Variants in ATE1 observed in about 807,000 individuals in gnomAD.
ATE1 encodes the protein arginyl-tRNA--protein transferase 1.
Under a neutral mutation model 70.5 loss-of-function variants are expected in ATE1, and 36 were observed. The observed-to-expected ratio is 0.51, with a 90% CI of 0.39 to 0.67. The LOEUF (loss-of-function observed/expected upper bound fraction) is 0.67. Ranked by LOEUF, ATE1 falls within the 30% of genes least tolerant of loss-of-function variation. The pLI, the probability that ATE1 is intolerant of heterozygous loss-of-function variation, is 0.00. For synonymous variants in ATE1, 232 were observed against 219.3 expected, an observed-to-expected ratio of 1.06 and a Z score of -0.51; for missense variants, 593 against 629.5, an observed-to-expected ratio of 0.94 and a Z score of 0.62.
chr10:121,794,661 T>TAAAAAAAA (rs374044559), intron 10 of ATE1, among the ~76,000 whole-genome samples: 4 of 65,710 alleles, frequency 6.1e-5, no homozygotes, highest in Non-Finnish European at 1.1e-4. Flanking sequence ...GAATGTCTGG[T>TAAAAAAAA]AAAAAAAAAA....
Position 121,744,244 on chromosome 10 carries a change from T to G in ATE1, c.1379-386A>C, listed in dbSNP as rs537748992. On this transcript the variant is annotated intron_variant, in intron 11 of 11. Transcript: ENST00000224652. ...GCCTTCATTTCTTAATTTAAAAAATTTTTAACTTAAAATATAAAAATTATG... is the reference window on the plus strand; with the variant it reads ...GCCTTCATTTCTTAATTTAAAAAATGTTTAACTTAAAATATAAAAATTATG... 2.6e-5 allele frequency among the ~76,000 whole-genome samples: 4 copies of G among 152,184 alleles called. 1 individual carries two copies. In the South Asian group the frequency reaches 8.3e-4, roughly 32 times the overall value.
rs547204814 is a variant in ATE1 at position 121,857,814 on chromosome 10, A to AAACTACAT, written c.975+12191_975+12192insATGTAGTT. 2.4e-4 allele frequency among the ~76,000 whole-genome samples: 36 copies of AAACTACAT among 152,272 alleles called. 1 individual carries two copies. In the East Asian group the frequency reaches 5.8e-3, roughly 25 times the overall value. On this transcript the variant is annotated intron_variant, in intron 8 of 11. Transcript: ENST00000224652. ...TAATTTTTTTGATCATCCAAGACAG[A>AAACTACAT]AACTACGTACCCATTAAATAATTAA... is the stretch of plus-strand genomic sequence containing the variant.
chr10:121,782,184 T>C (rs1176268443), intron 11 of ATE1, among the ~76,000 whole-genome samples: 3 of 152,240 alleles, frequency 2.0e-5, no homozygotes, highest in Non-Finnish European at 4.4e-5. Flanking sequence ...GCTGTTCCAA[T>C]TACTAGTAGA....
In ATE1 at chr10:121,899,762, A is replaced by T; in HGVS notation, c.942+104T>A. On this transcript the variant is annotated intron_variant, in intron 7 of 11. Coordinates refer to ENST00000224652, the MANE Select transcript of ATE1 (RefSeq NM_001001976.3). ...GTCTTTGCAGATATGCTGCAAATTG[A>T]ACACAAATAAAATGTAGCACAAATA... 2.7e-6 allele frequency: 4 copies of T among 1,476,202 alleles called. No homozygotes were observed. In the African/African-American group the frequency reaches 5.6e-5, roughly 21 times the overall value. 91.4% of individuals were successfully genotyped at this position (1,476,202 alleles called of 1,614,324 possible).
At chr10:121,925,089 G>C (rs1952033484) in intron 1 of ATE1, among the ~76,000 whole-genome samples, 1 of 152,174 alleles carries the variant, frequency 6.6e-6, no homozygotes, top group African/African-American at 2.4e-5. Flanking sequence ...AAAAATTGGA[G>C]AAAAGTATGT....
chr10:121,858,687 A>G (rs1475162329), intron 8 of ATE1, among the ~76,000 whole-genome samples: 1 of 54,072 alleles, frequency 1.8e-5, no homozygotes, highest in African/African-American at 7.2e-5. Flanking sequence ...ATATTTTTAT[A>G]TATTATATTT....
At chr10:121,914,027 C>A in intron 3 of ATE1, 134 bp from the exon 4 acceptor site, 2 of 606,802 alleles carry the variant, frequency 3.3e-6, no homozygotes, top group South Asian at 5.0e-5. Context: ...TTAATGTAGC[C>A]TCTAATCCCA....
chr10:121,760,392 TGGGA>T (rs1019637587), intron 11 of ATE1, among the ~76,000 whole-genome samples: 3 of 152,324 alleles, frequency 2.0e-5, no homozygotes, highest in Admixed American at 2.0e-4. Flanking sequence ...TTATTATTCA[TGGGA>T]GGAAGTCAAA....
intron 11 of ATE1, among the ~76,000 whole-genome samples, chr10:121,785,892 T>C (rs1417189049): frequency 6.6e-6 from 1 of 152,176 alleles, no homozygotes; most frequent in Admixed American, 6.5e-5. Flanking sequence ...AACATTTCAA[T>C]GTATAGAACA....
At chr10:121,747,131 C>T (rs1944403668) in intron 11 of ATE1, among the ~76,000 whole-genome samples, 1 of 152,186 alleles carries the variant, frequency 6.6e-6, no homozygotes, top group Non-Finnish European at 1.5e-5. Context: ...GAGAAAGGAA[C>T]ATCAACGATG....
chr10:121,849,934 T>C (rs1388952495), intron 8 of ATE1, among the ~76,000 whole-genome samples: 1 of 152,212 alleles, frequency 6.6e-6, no homozygotes, highest in Non-Finnish European at 1.5e-5. Context: ...CTGATGTTTG[T>C]TTATGAACAC....
At chr10:121,791,282 G>A (rs896099985) in intron 10 of ATE1, among the ~76,000 whole-genome samples, 2 of 151,462 alleles carry the variant, frequency 1.3e-5, no homozygotes, top group African/African-American at 4.9e-5. Context: ...TTGGTAGAGA[G>A]GGGGTTTCAC....
intron 10 of ATE1, among the ~76,000 whole-genome samples, chr10:121,795,260 A>C (rs903639497): frequency 6.6e-6 from 1 of 152,166 alleles, no homozygotes; most frequent in African/African-American, 2.4e-5. Flanking sequence ...AAAAAATAAA[A>C]ATAAAAATTT....
At chr10:121,839,700 A>G (rs1948557852) in intron 9 of ATE1, among the ~76,000 whole-genome samples, 1 of 152,310 alleles carries the variant, frequency 6.6e-6, no homozygotes, top group African/African-American at 2.4e-5. Flanking sequence ...TATTGTAAAT[A>G]TTACCTAATT....
At chr10:121,913,767 T>C (rs765777434) in intron 4 of ATE1, 23 bp downstream of exon 4, 1 of 1,546,654 alleles carries the variant, frequency 6.5e-7, no homozygotes, top group Non-Finnish European at 8.9e-7. Context: ...TAGTAAATCG[T>C]TTTTAGACCC....
intron 7 of ATE1, among the ~76,000 whole-genome samples, chr10:121,892,463 C>G (rs1383707948): frequency 6.8e-6 from 1 of 147,380 alleles, no homozygotes; most frequent in South Asian, 2.1e-4. Flanking sequence ...AAAAGAGATA[C>G]GGGGAAGTTT....
At chr10:121,818,361 A>G (rs1947648246) in intron 10 of ATE1, among the ~76,000 whole-genome samples, 1 of 152,176 alleles carries the variant, frequency 6.6e-6, no homozygotes, top group Admixed American at 6.6e-5. Flanking sequence ...GAGTTAGTCA[A>G]AGATGTAAAG....
intron 3 of ATE1, among the ~76,000 whole-genome samples, chr10:121,914,388 A>T (rs1390483905): frequency 6.6e-6 from 1 of 150,754 alleles, no homozygotes; most frequent in Non-Finnish European, 1.5e-5. Context: ...TTTTTTAAAG[A>T]GAGAAAGACA....
At chr10:121,877,926 C>T (rs1055706243) in intron 7 of ATE1, among the ~76,000 whole-genome samples, 2 of 152,134 alleles carry the variant, frequency 1.3e-5, no homozygotes, top group African/African-American at 4.8e-5. Context: ...TCAAAAGATA[C>T]GTACAAGAAT....
Sources: allele counts gnomAD v4.1 joint callset (sites outside exome capture counted in the v4.1 genomes callset), GRCh38; gene constraint gnomAD v4.1.1; transcripts MANE v1.5; gene names NCBI Gene and HGNC (gene_info 2026-07-23, HGNC 2026-07-21).